Variants in KCNQ5 observed in about 807,000 individuals in gnomAD.
The protein encoded by KCNQ5 is potassium voltage-gated channel subfamily KQT member 5.
In KCNQ5, 30 loss-of-function variants were observed where a neutral mutation model predicts 98.2. That is an observed-to-expected ratio of 0.31 (90% CI 0.23 to 0.41). The LOEUF is 0.41. KCNQ5 is among the 10% of genes least tolerant of loss of function. KCNQ5 has a pLI of 1.00. For synonymous variants in KCNQ5, 458 were observed against 449.4 expected (o/e 1.02, Z -0.24); for missense variants, 835 against 1,182.5 (o/e 0.71, Z 4.31).
chr6:72,943,832 G>A (rs1470795759), intron 1 of KCNQ5, among the ~76,000 whole-genome samples: 2 of 152,186 alleles, frequency 1.3e-5, no homozygotes, highest in Non-Finnish European at 2.9e-5. Flanking sequence ...CTTTGCACAA[G>A]GCACTGTGCA....
In KCNQ5 at chr6:73,116,315, G is replaced by A. The variant is rs182035123; in HGVS notation, c.1126-4168G>A. Among the ~76,000 whole-genome samples the A allele has an allele frequency of 6.2e-3, 941 of 152,204 alleles. 6 individuals carry two copies. Among genetic ancestry groups the A allele is most frequent in the African/African-American group, 0.022 (894 of 41,510 alleles). ...TATCGTTCAGGATAGGAAGTTAATT[G>A]ATAATGTCTAAAATTGAAAAATCAA... is the stretch of plus-strand genomic sequence containing the variant. On this transcript the variant is annotated intron_variant, in intron 7 of 13. Transcript: ENST00000370398.
chr6:73,166,624 C>T (rs962326997), intron 10 of KCNQ5, among the ~76,000 whole-genome samples: 1 of 152,054 alleles, frequency 6.6e-6, no homozygotes, highest in Admixed American at 6.5e-5. Flanking sequence ...GGCTGCCATC[C>T]CAAATTACCA....
At chr6:72,827,591 G>A (rs746094969) in intron 1 of KCNQ5, among the ~76,000 whole-genome samples, 4 of 151,990 alleles carry the variant, frequency 2.6e-5, no homozygotes, top group Non-Finnish European at 5.9e-5. Context: ...GGTTTTTGCT[G>A]TTGATATGTT....
chr6:72,723,370 CT>C (rs978946525), intron 1 of KCNQ5, among the ~76,000 whole-genome samples: 21 of 152,224 alleles, frequency 1.4e-4, no homozygotes, highest in Admixed American at 5.2e-4. Flanking sequence ...TAATTGGTAT[CT>C]AATTTTCTTT....
intron 2 of KCNQ5, among the ~76,000 whole-genome samples, chr6:73,040,224 T>C (rs1375069815): frequency 6.6e-6 from 1 of 152,184 alleles, no homozygotes; most frequent in Admixed American, 6.5e-5. Flanking sequence ...AAAGAAAAAT[T>C]ACTACACGGT....
At chr6:73,115,122 C>A (rs531279331) in intron 7 of KCNQ5, among the ~76,000 whole-genome samples, 8 of 151,374 alleles carry the variant, frequency 5.3e-5, no homozygotes, top group African/African-American at 1.7e-4. Flanking sequence ...ATAGTGAGAC[C>A]ACATTTCTTT....
At chr6:72,929,500 A>G (rs1251692464) in intron 1 of KCNQ5, among the ~76,000 whole-genome samples, 1 of 152,208 alleles carries the variant, frequency 6.6e-6, no homozygotes, top group Non-Finnish European at 1.5e-5. Context: ...TTGGAATTGC[A>G]GAACCAACTT....
Position 73,050,300 on chromosome 6 carries a change from AAGGAAGGAAGGG to A in KCNQ5, c.616+8242_616+8253del, listed in dbSNP as rs775970147. On this transcript the variant is annotated intron_variant, in intron 3 of 13. Transcript: ENST00000370398. ...GAAGGAAGGAAGGAAGGAAGGAAGG[AAGGAAGGAAGGG>A]AGGGAAGAAGGAAGGAAGGGAGGGA... Among the ~76,000 whole-genome samples, 1,128 of 130,396 alleles carry A rather than the reference AAGGAAGGAAGGG, an allele frequency of 8.7e-3. 36 individuals carry two copies. Among genetic ancestry groups the A allele is most frequent in the East Asian group, 0.031 (121 of 3,922 alleles). The allele number at this position is 130,396 out of a possible 152,430, so 85.5% of individuals were successfully genotyped here.
chr6:72,750,197 T>C (rs1350349066), intron 1 of KCNQ5, among the ~76,000 whole-genome samples: 1 of 152,126 alleles, frequency 6.6e-6, no homozygotes, highest in Non-Finnish European at 1.5e-5. Flanking sequence ...CCCAAGTGCA[T>C]TTCCTAAAAG....
intron 1 of KCNQ5, among the ~76,000 whole-genome samples, chr6:72,756,972 A>C (rs532806744): frequency 8.7e-4 from 132 of 152,260 alleles, no homozygotes; most frequent in African/African-American, 3.0e-3. Flanking sequence ...ATTAAATCAG[A>C]ATTAAGGTGA....
chr6:73,172,605 G>A (rs910498534), intron 11 of KCNQ5, among the ~76,000 whole-genome samples: 4 of 152,214 alleles, frequency 2.6e-5, no homozygotes, highest in Admixed American at 1.3e-4. Flanking sequence ...AATTATGTTC[G>A]TAAGTTCAAC....
intron 1 of KCNQ5, among the ~76,000 whole-genome samples, chr6:72,691,625 A>G (rs1013783842): frequency 6.6e-6 from 1 of 152,222 alleles, no homozygotes; most frequent in Non-Finnish European, 1.5e-5. Flanking sequence ...AGAAACAGGA[A>G]TATTAGAGAT....
At chr6:72,688,620 G>T (rs2154474132) in intron 1 of KCNQ5, among the ~76,000 whole-genome samples, 2 of 152,200 alleles carry the variant, frequency 1.3e-5, no homozygotes, top group East Asian at 3.9e-4. Flanking sequence ...GTTCAATACA[G>T]TTGAGGTTTC....
chr6:73,155,061 T>C (rs1473701806), intron 10 of KCNQ5, among the ~76,000 whole-genome samples: 1 of 152,154 alleles, frequency 6.6e-6, no homozygotes, highest in Non-Finnish European at 1.5e-5. Flanking sequence ...GCATACATAG[T>C]AAAGGAAGGA....
At chr6:73,136,854 GA>G (rs1389971444) in intron 10 of KCNQ5, 6 of 152,016 alleles carry the variant, frequency 3.9e-5, no homozygotes, top group African/African-American at 1.2e-4. Context: ...TACTACCATA[GA>G]AAATAATATA....
chr6:72,863,556 A>G (rs9351948), intron 1 of KCNQ5, among the ~76,000 whole-genome samples: 66,562 of 151,958 alleles, frequency 0.44, 15,079 homozygotes, highest in South Asian at 0.51. Flanking sequence ...ATTTCCCTAA[A>G]CTGCAAAGAA....
intron 1 of KCNQ5, chr6:72,986,693 G>T: frequency 8.8e-7 from 1 of 1,142,768 alleles, no homozygotes. Flanking sequence ...CCTCTGTGGG[G>T]AGAAGAAAAA....
intron 1 of KCNQ5, among the ~76,000 whole-genome samples, chr6:72,947,991 C>T (rs12195276): frequency 0.62 from 94,302 of 151,832 alleles, 30,874 homozygotes; most frequent in Non-Finnish European, 0.73. Flanking sequence ...CTTAGGGATC[C>T]ACTTATAAAA....
rs1444813030 is a variant in KCNQ5 at position 73,194,648 on chromosome 6, G to T, written c.2033G>T (p.Arg678Ile). Residue 678 changes from arginine (R) to isoleucine (I), a missense_variant, in exon 14 of 14, where the codon AGA (arginine) becomes ATA (isoleucine). By Grantham distance (97) the Arg-to-Ile change is moderately conservative. Around this residue, in one of 10 missense-constraint regions of KCNQ5, gnomAD observed 416 missense variants for 446.9 expected, o/e 0.93. Transcript: ENST00000370398. ...GCACAAAACAGTGGCTGCTTATCCA[G>T]ATCAACTAGTGCCAACATCTCGAGA... ...GSAQNSGCLS[R>I]STSANISRGL... 3 of 1,614,116 alleles carry T rather than the reference G, an allele frequency of 1.9e-6. No individual in the cohort carries two copies. The highest frequency in any genetic ancestry group is 1.7e-6 in the Non-Finnish European group (2 of 1,180,054).
Sources: allele counts gnomAD v4.1 joint callset (sites outside exome capture counted in the v4.1 genomes callset), GRCh38; gene constraint gnomAD v4.1.1; regional missense constraint gnomAD v4.1.1; transcripts MANE v1.5; gene names NCBI Gene and HGNC (gene_info 2026-07-23, HGNC 2026-07-21).